The following DOCK3 variants were observed in gnomAD, a reference collection of about 807,000 sequenced individuals.
DOCK3 encodes the protein dedicator of cytokinesis 3.
Under a neutral mutation model 265.6 loss-of-function variants are expected in DOCK3, and 60 were observed. That is an observed-to-expected ratio of 0.23 (90% confidence interval 0.18 to 0.28). DOCK3 has a LOEUF of 0.28. DOCK3 is among the 10% of genes least tolerant of loss of function. The probability of loss-of-function intolerance (pLI) is 1.00; values close to 1 mark genes in which losing one functional copy is unlikely to be tolerated. For missense variants in DOCK3, 1,981 were observed against 2,594.3 expected, an observed-to-expected ratio of 0.76 and a Z score of 5.14; for synonymous variants, 881 against 938.0, an observed-to-expected ratio of 0.94 and a Z score of 1.11.
At chr3:50,842,082 T>G (rs573017773) in intron 3 of DOCK3, among the ~76,000 whole-genome samples, 68 of 152,326 alleles carry the variant, frequency 4.5e-4, no homozygotes, top group African/African-American at 1.6e-3. Flanking sequence ...TATTTTCAAA[T>G]AATCCAATTA....
intron 4 of DOCK3, among the ~76,000 whole-genome samples, chr3:50,910,750 G>A (rs754792694): frequency 8.5e-5 from 13 of 152,182 alleles, no homozygotes; most frequent in Non-Finnish European, 1.9e-4. Context: ...TACACAGATT[G>A]TCTCTCCATG....
chr3:50,953,100 G>GT, intron 5 of DOCK3, among the ~76,000 whole-genome samples: 1 of 151,910 alleles, frequency 6.6e-6, no homozygotes, highest in Admixed American at 6.6e-5. Flanking sequence ...GATGCATGTT[G>GT]TTTTCTTGAA....
intron 49 of DOCK3, among the ~76,000 whole-genome samples, chr3:51,367,294 A>T (rs148769142): frequency 1.3e-3 from 200 of 152,204 alleles, no homozygotes; most frequent in African/African-American, 4.7e-3. Flanking sequence ...CTGTTTTATC[A>T]GAGACGAGGA....
At chr3:51,347,289 T>G (rs565673515) in intron 38 of DOCK3, among the ~76,000 whole-genome samples, 29 of 152,348 alleles carry the variant, frequency 1.9e-4, no homozygotes, top group South Asian at 1.9e-3. Flanking sequence ...ATTTAAGTCT[T>G]TAATCCATCT....
intron 14 of DOCK3, among the ~76,000 whole-genome samples, chr3:51,220,709 G>GTGTGTGTGTA (rs1208536854): frequency 0.013 from 1,749 of 132,242 alleles, 46 homozygotes; most frequent in African/African-American, 0.049. Flanking sequence ...GTGTGTGTGT[G>GTGTGTGTGTA]TATATATATA....
intron 32 of DOCK3, among the ~76,000 whole-genome samples, chr3:51,327,267 A>G (rs73837420): frequency 0.033 from 5,052 of 152,246 alleles, 301 homozygotes; most frequent in African/African-American, 0.11. Flanking sequence ...TGAAAATCAA[A>G]ACTAGCATTT....
At chr3:50,920,559 A>C (rs2108024323) in intron 4 of DOCK3, among the ~76,000 whole-genome samples, 1 of 152,140 alleles carries the variant, frequency 6.6e-6, no homozygotes, top group African/African-American at 2.4e-5. Flanking sequence ...GTATTCTCTG[A>C]TGGTAGTTTG....
At chr3:50,832,404 CTA>C (rs1431560803) in intron 2 of DOCK3, among the ~76,000 whole-genome samples, 2 of 152,178 alleles carry the variant, frequency 1.3e-5, no homozygotes, top group Non-Finnish European at 2.9e-5. Flanking sequence ...GCAAAAGAAA[CTA>C]TCATCAGAGT....
intron 2 of DOCK3, among the ~76,000 whole-genome samples, chr3:50,807,560 C>A (rs967561805): frequency 3.3e-5 from 5 of 152,084 alleles, no homozygotes; most frequent in Non-Finnish European, 5.9e-5. Flanking sequence ...CTGCTATCAC[C>A]ACATCTGTTG....
At chr3:51,125,988 A>G (rs1021311529) in intron 9 of DOCK3, among the ~76,000 whole-genome samples, 2 of 152,356 alleles carry the variant, frequency 1.3e-5, no homozygotes, top group Middle Eastern at 3.4e-3. Context: ...TTCAGTTTAC[A>G]TAGTAAATAA....
intron 1 of DOCK3, among the ~76,000 whole-genome samples, chr3:50,733,388 T>G (rs1269987505): frequency 6.6e-6 from 1 of 152,220 alleles, no homozygotes; most frequent in Non-Finnish European, 1.5e-5. Flanking sequence ...AATATTTGCT[T>G]TATGTGTTAA....
At chr3:51,039,819 C>A (rs1045392685) in intron 5 of DOCK3, among the ~76,000 whole-genome samples, 4 of 150,546 alleles carry the variant, frequency 2.7e-5, no homozygotes, top group Non-Finnish European at 5.9e-5. Context: ...TTTCATACTG[C>A]AGAAATTCTG....
chr3:51,214,028 G>A, intron 13 of DOCK3, 94 bp from the exon 14 acceptor site: 1 of 1,541,796 alleles, frequency 6.5e-7, no homozygotes, highest in Non-Finnish European at 8.8e-7. Context: ...GCTGAACTTT[G>A]CACATTTTCT....
chr3:51,312,746 GAAAC>G (rs1232057076), intron 30 of DOCK3, 94 bp from the exon 31 acceptor site: 1 of 1,369,002 alleles, frequency 7.3e-7, no homozygotes, highest in African/African-American at 1.4e-5. Context: ...GGAAGCATTA[GAAAC>G]AAACAGTGCT....
intron 1 of DOCK3, among the ~76,000 whole-genome samples, chr3:50,758,440 A>G (rs1198107973): frequency 6.6e-6 from 1 of 151,886 alleles, no homozygotes. Flanking sequence ...GTGCTTATAT[A>G]TTACGACAGT....
At chr3:51,113,004 T>G (rs2083584010) in intron 9 of DOCK3, among the ~76,000 whole-genome samples, 1 of 98,624 alleles carries the variant, frequency 1.0e-5, no homozygotes. Context: ...TTCTTATAAA[T>G]TTGAGTGGAT....
At chr3:51,003,450 T>C (rs1404702112) in intron 5 of DOCK3, among the ~76,000 whole-genome samples, 1 of 152,214 alleles carries the variant, frequency 6.6e-6, no homozygotes, top group Non-Finnish European at 1.5e-5. Context: ...TTTCTAGTTA[T>C]AGTACAGTTT....
chr3:50,787,742 C>T, intron 2 of DOCK3: 1 of 1,199,302 alleles, frequency 8.3e-7, no homozygotes, highest in Non-Finnish European at 1.2e-6. Context: ...CTGACTTTCT[C>T]TGTTATCTTC....
intron 49 of DOCK3, among the ~76,000 whole-genome samples, chr3:51,371,229 T>C (rs2087655001): frequency 6.6e-6 from 1 of 152,228 alleles, no homozygotes; most frequent in African/African-American, 2.4e-5. Context: ...GCTGTCACAA[T>C]GGCCAAACTC....
Sources: allele counts gnomAD v4.1 joint callset (sites outside exome capture counted in the v4.1 genomes callset), GRCh38; gene constraint gnomAD v4.1.1; transcripts MANE v1.5; gene names NCBI Gene and HGNC (gene_info 2026-07-23, HGNC 2026-07-21).